Variants in UBE2J2 observed in about 807,000 individuals in gnomAD.
The protein encoded by UBE2J2 is ubiquitin conjugating enzyme E2 J2, also known as ubiquitin-conjugating enzyme E2 J2.
UBE2J2 carries 5 observed loss-of-function variants against 28.6 expected under a neutral mutation model. The ratio of observed to expected loss-of-function variants is 0.17; its 90% CI spans 0.09 to 0.37. The LOEUF is 0.37. UBE2J2 is among the 10% of genes least tolerant of loss of function. The pLI, the probability that UBE2J2 is intolerant of heterozygous loss-of-function variation, is 1.00. For missense variants in UBE2J2, 226 were observed against 338.9 expected (o/e 0.67, Z 2.62); for synonymous variants, 138 against 139.7 (o/e 0.99, Z 0.09).
Position 1,257,142 on chromosome 1 carries a change from G to T in UBE2J2, c.276-12C>A, listed in dbSNP as rs746833750. On this transcript the variant is annotated splice_polypyrimidine_tract_variant and intron_variant, in intron 4 of 6. Transcript: ENST00000349431. ...TAGAAAGACACAGCCTGCAAAACGG[G>T]GGCCCCGTCAGTGCACACTCCCCAC... 2 of 1,608,938 alleles carry T rather than the reference G, an allele frequency of 1.2e-6. No homozygotes were observed. The highest frequency in any genetic ancestry group is 8.5e-7 in the Non-Finnish European group (1 of 1,177,116).
At chr1:1,256,432 TC>T in intron 5 of UBE2J2, 1 of 308,626 alleles carries the variant, frequency 3.2e-6, no homozygotes, top group Non-Finnish European at 6.1e-6. Flanking sequence ...CACCCCAAGA[TC>T]CCAAGGAGGA....
intron 1 of UBE2J2, 108 bp downstream of exon 1, chr1:1,273,558 G>A (rs1640276722): frequency 6.6e-6 from 1 of 151,838 alleles, no homozygotes; most frequent in Non-Finnish European, 1.5e-5. Flanking sequence ...CGCGAACGGA[G>A]AAGCGTCGCG....
rs1048178507 is a variant in UBE2J2, at chr1:1,268,067, T to C, written c.1-75A>G. Reference sequence around the variant, plus strand: ...GCTCTCTCCCCTGGCGCAGCCCCACTCCCGCCTCTGCAGCCCGCCATTCAT... The same window carrying C: ...GCTCTCTCCCCTGGCGCAGCCCCACCCCCGCCTCTGCAGCCCGCCATTCAT... On this transcript the variant is annotated intron_variant, in intron 1 of 6. Coordinates refer to ENST00000349431, the MANE Select transcript of UBE2J2 (RefSeq NM_058167.3). The surrounding 1 kb of genome is among the most constrained non-coding windows in gnomAD (Gnocchi z 4.7). 7.7e-6 allele frequency: 12 copies of C among 1,554,744 alleles called. No homozygotes were observed. The highest frequency in any genetic ancestry group is 2.3e-5 in the East Asian group (1 of 43,556).
intron 3 of UBE2J2, chr1:1,262,101 C>G: frequency 3.1e-6 from 1 of 317,722 alleles, no homozygotes; most frequent in East Asian, 9.1e-5. Context: ...AGATGATCCG[C>G]CCACCTCAGC....
chr1:1,262,965 G>A (rs573172271), intron 3 of UBE2J2: 45 of 196,244 alleles, frequency 2.3e-4, no homozygotes, highest in Admixed American at 9.9e-4. Flanking sequence ...AAACCCTGGG[G>A]GCGCCCAGCA....
At chr1:1,266,323 G>A (rs1639859792) in intron 2 of UBE2J2, 1 of 495,986 alleles carries the variant, frequency 2.0e-6, no homozygotes, top group Non-Finnish European at 3.1e-6. Flanking sequence ...CAGGCATGGT[G>A]GCTCAAGCCT....
chr1:1,266,587 C>T (rs1639878148), intron 2 of UBE2J2, among the ~76,000 whole-genome samples: 1 of 151,860 alleles, frequency 6.6e-6, no homozygotes, highest in Non-Finnish European at 1.5e-5. Context: ...TCTGGGAGGC[C>T]AAGGCGGGCG....
chr1:1,263,515 G>C (rs1274589370), intron 2 of UBE2J2, 129 bp from the exon 3 acceptor site: 3 of 830,002 alleles, frequency 3.6e-6, no homozygotes, highest in Non-Finnish European at 6.2e-6. Flanking sequence ...AACAAATGAA[G>C]GTGAAATGTC....
Position 1,255,191 on chromosome 1 carries a change from G to C in UBE2J2, c.*12C>G, listed in dbSNP as rs531485402. 6.4e-7 allele frequency: 1 copy of C among 1,567,382 alleles called. No homozygotes were observed. The highest frequency in any genetic ancestry group is 1.8e-5 in the Admixed American group (1 of 56,606). Reference sequence around the variant, plus strand: ...TGCCCTCAGTGGCGCCTTGGGTCTCGGCGCCTGGGCCTCACTCCTGCGCGA... The same window carrying C: ...TGCCCTCAGTGGCGCCTTGGGTCTCCGCGCCTGGGCCTCACTCCTGCGCGA... On this transcript the variant is annotated 3_prime_UTR_variant, in exon 7 of 7. Transcript: ENST00000349431.
intron 2 of UBE2J2, among the ~76,000 whole-genome samples, chr1:1,266,987 C>T (rs926309610): frequency 6.6e-6 from 1 of 151,904 alleles, no homozygotes; most frequent in Admixed American, 6.6e-5. Flanking sequence ...CTCCCGGGTT[C>T]AAGCGATTCT....
chr1:1,266,292 T>G, intron 2 of UBE2J2: 2 of 828,386 alleles, frequency 2.4e-6, no homozygotes, highest in Non-Finnish European at 3.2e-6. Flanking sequence ...ATCTTTTCTC[T>G]GGAATTAAAA....
intron 3 of UBE2J2, chr1:1,262,221 C>T (rs761313549): frequency 4.7e-6 from 2 of 426,356 alleles, no homozygotes; most frequent in Non-Finnish European, 9.4e-6. Flanking sequence ...CGCATCGTAA[C>T]AAGTACTTTA....
chr1:1,272,747 A>T (rs922953599), intron 1 of UBE2J2: 1 of 168,938 alleles, frequency 5.9e-6, no homozygotes, highest in East Asian at 1.8e-4. Context: ...TGGAACTGCT[A>T]AGGAGGTCAG....
intron 2 of UBE2J2, chr1:1,264,685 A>T (rs1179785424): frequency 1.3e-5 from 2 of 152,262 alleles, no homozygotes; most frequent in Non-Finnish European, 2.9e-5. Context: ...AGGCAGGTGG[A>T]TTGCCTGAGG....
chr1:1,271,973 T>C (rs1303661552), intron 1 of UBE2J2, among the ~76,000 whole-genome samples: 1 of 35,648 alleles, frequency 2.8e-5, no homozygotes, highest in Non-Finnish European at 3.8e-5. Context: ...AAACTCCGTC[T>C]CAAAAAAAAA....
At chr1:1,266,241 CT>C in intron 2 of UBE2J2, 2 of 1,119,756 alleles carry the variant, frequency 1.8e-6, no homozygotes, top group South Asian at 1.5e-5. Context: ...AGGTGGACCC[CT>C]GACCAAGCCG....
intron 2 of UBE2J2, among the ~76,000 whole-genome samples, chr1:1,265,564 C>CGT (rs112951404): frequency 0.075 from 10,718 of 143,172 alleles, 559 homozygotes; most frequent in Admixed American, 0.16. Context: ...AGTTTTCTCT[C>CGT]GTGTGTGTGT....
At chr1:1,262,218 TAAC>T (rs749412942) in intron 3 of UBE2J2, 2 of 423,166 alleles carry the variant, frequency 4.7e-6, no homozygotes, top group African/African-American at 4.1e-5. Context: ...ACACGCATCG[TAAC>T]AAGTACTTTA....
chr1:1,264,216 T>TTC (rs1171721639), intron 2 of UBE2J2, among the ~76,000 whole-genome samples: 1 of 152,044 alleles, frequency 6.6e-6, no homozygotes, highest in African/African-American at 2.4e-5. Flanking sequence ...AAAGCCACAG[T>TTC]CCCCACACAG....
Sources: allele counts gnomAD v4.1 joint callset (sites outside exome capture counted in the v4.1 genomes callset), GRCh38; gene constraint gnomAD v4.1.1; non-coding constraint Gnocchi (gnomAD v3.1); transcripts MANE v1.5; gene names NCBI Gene and HGNC (gene_info 2026-07-23, HGNC 2026-07-21).